Variants in RAD51B observed in about 807,000 individuals in gnomAD.
The protein encoded by RAD51B is RAD51 paralog B, also known as DNA repair protein RAD51 homolog 2.
In RAD51B, 38 loss-of-function variants were observed where a neutral mutation model predicts 42.2. The ratio of observed to expected loss-of-function variants is 0.90; its 90% CI spans 0.70 to 1.18. The LOEUF (loss-of-function observed/expected upper bound fraction) is 1.18, where lower values mean the gene tolerates loss of function less well. Ranked by LOEUF, RAD51B falls within the 50% of genes most tolerant of loss-of-function variation. The pLI, the probability that RAD51B is intolerant of heterozygous loss-of-function variation, is 0.00. For synonymous variants in RAD51B, 154 were observed against 145.2 expected (o/e 1.06, Z -0.43); for missense variants, 373 against 400.7 (o/e 0.93, Z 0.59).
chr14:68,534,042 AAAAC>A (rs1157762747), intron 10 of RAD51B, among the ~76,000 whole-genome samples: 1 of 152,250 alleles, frequency 6.6e-6, no homozygotes, highest in Non-Finnish European at 1.5e-5. Context: ...AAAGCAAAAC[AAAAC>A]AAACAATAAA....
intron 10 of RAD51B, among the ~76,000 whole-genome samples, chr14:68,589,360 G>A (rs993374765): frequency 5.3e-5 from 8 of 152,136 alleles, no homozygotes; most frequent in South Asian, 4.2e-4. Flanking sequence ...CCCTTCCCCC[G>A]CCTTCACTTT....
At position 68,167,103 on chromosome 14, in the gene RAD51B, T is replaced by C. The variant is rs577725598; in HGVS notation, c.757-124781T>C. ...CAAATCATAGAATATTACTGTCTCA[T>C]TTTAAAAATATTTAGTGGTTTCTTG... On this transcript the variant is annotated intron_variant, in intron 7 of 10. Coordinates refer to ENST00000471583, the MANE Select transcript of RAD51B (RefSeq NM_133510.4). 4.6e-5 allele frequency among the ~76,000 whole-genome samples: 7 copies of C among 152,298 alleles called. No homozygotes were observed. In the East Asian group the frequency reaches 1.2e-3, roughly 25 times the overall value.
At chr14:68,596,963 G>A (rs372424554), downstream of RAD51B, among the ~76,000 whole-genome samples, 6 of 152,286 alleles carry the variant, frequency 3.9e-5, no homozygotes, top group East Asian at 5.8e-4. Context: ...TCTGGTTCAC[G>A]GTGAGATGGC....
intron 7 of RAD51B, among the ~76,000 whole-genome samples, chr14:68,039,499 G>T (rs1036776569): frequency 6.6e-6 from 1 of 150,728 alleles, no homozygotes; most frequent in Non-Finnish European, 1.5e-5. Flanking sequence ...AAAAACTTGA[G>T]AAAATATTCT....
chr14:68,493,413 A>G (rs1218415555), intron 10 of RAD51B, among the ~76,000 whole-genome samples: 2 of 152,000 alleles, frequency 1.3e-5, no homozygotes, highest in Non-Finnish European at 2.9e-5. Context: ...CTAGTTACTC[A>G]ATTTCATGTA....
intron 4 of RAD51B, among the ~76,000 whole-genome samples, chr14:67,864,238 C>G (rs1364380362): frequency 6.6e-6 from 1 of 152,184 alleles, no homozygotes; most frequent in Non-Finnish European, 1.5e-5. Flanking sequence ...CAAACTACTT[C>G]TAGTTACACT....
At chr14:68,141,916 C>T (rs566483212) in intron 7 of RAD51B, among the ~76,000 whole-genome samples, 73 of 152,320 alleles carry the variant, frequency 4.8e-4, no homozygotes, top group African/African-American at 1.5e-3. Context: ...CTCCCATGTG[C>T]TTTCAAAGTA....
intron 7 of RAD51B, among the ~76,000 whole-genome samples, chr14:68,008,735 A>G (rs1425125443): frequency 6.6e-6 from 1 of 152,038 alleles, no homozygotes; most frequent in African/African-American, 2.4e-5. Flanking sequence ...AGCAGTGTTG[A>G]AATGAAATAC....
chr14:68,495,632 G>C (rs1884454173), intron 10 of RAD51B, among the ~76,000 whole-genome samples: 1 of 152,136 alleles, frequency 6.6e-6, no homozygotes, highest in African/African-American at 2.4e-5. Context: ...ACACTGTGGG[G>C]CTCAGACCCC....
intron 10 of RAD51B, among the ~76,000 whole-genome samples, chr14:68,575,938 C>T (rs2140049147): frequency 6.6e-6 from 1 of 152,306 alleles, no homozygotes; most frequent in South Asian, 2.1e-4. Flanking sequence ...GATGGACGGG[C>T]AGGGTTCAGG....
At chr14:67,969,411 T>A (rs947627788) in intron 7 of RAD51B, among the ~76,000 whole-genome samples, 3 of 152,178 alleles carry the variant, frequency 2.0e-5, no homozygotes, top group Non-Finnish European at 4.4e-5. Context: ...ATTACTGACA[T>A]TGATGGGAGT....
At chr14:68,339,050 A>C (rs1349947104) in intron 8 of RAD51B, 9 of 670,550 alleles carry the variant, frequency 1.3e-5, no homozygotes, top group Non-Finnish European at 2.5e-5. Context: ...TGGGATCGAC[A>C]TCGTGTGCAG....
At chr14:68,526,197 T>C (rs1186597862) in intron 10 of RAD51B, among the ~76,000 whole-genome samples, 1 of 152,228 alleles carries the variant, frequency 6.6e-6, no homozygotes, top group African/African-American at 2.4e-5. Flanking sequence ...TCGTTGTTAT[T>C]ATTAAATGGG....
At chr14:68,485,325 T>A (rs1883539096) in intron 10 of RAD51B, among the ~76,000 whole-genome samples, 1 of 152,124 alleles carries the variant, frequency 6.6e-6, no homozygotes, top group African/African-American at 2.4e-5. Flanking sequence ...TCTCACCCTG[T>A]TAAAGTGCCC....
intron 7 of RAD51B, among the ~76,000 whole-genome samples, chr14:68,000,643 A>G (rs530460133): frequency 6.6e-6 from 1 of 152,234 alleles, no homozygotes; most frequent in South Asian, 2.1e-4. Context: ...TCCAGTGGGT[A>G]ACTTTTATCT....
At chr14:68,241,083 T>C (rs1316132960) in intron 7 of RAD51B, among the ~76,000 whole-genome samples, 1 of 152,208 alleles carries the variant, frequency 6.6e-6, no homozygotes, top group Admixed American at 6.5e-5. Context: ...CTTTTTCTTG[T>C]CTTTCCCTTT....
chr14:67,967,581 A>C lies in RAD51B; in HGVS notation c.756+80377A>C, dbSNP rs547163686. 2.0e-5 allele frequency among the ~76,000 whole-genome samples: 3 copies of C among 152,328 alleles called. No individual in the cohort carries two copies. In the South Asian group the frequency reaches 6.2e-4, roughly 32 times the overall value. On this transcript the variant is annotated intron_variant, in intron 7 of 10. Transcript: ENST00000471583. The stretch of plus-strand genomic sequence containing the variant: ...ACAAAGGGGCTACAGGGCCCATGCA[A>C]GTACAAAATCCAGTGGGGCAAATTC...
chr14:68,026,401 A>G (rs1045602018), intron 7 of RAD51B, among the ~76,000 whole-genome samples: 2 of 152,046 alleles, frequency 1.3e-5, no homozygotes, highest in South Asian at 4.2e-4. Flanking sequence ...GAATTTCTTT[A>G]TTAGTTTTCT....
At chr14:68,603,647 G>A (rs1385777651) in intron 10 of RAD51B, among the ~76,000 whole-genome samples, 2 of 152,182 alleles carry the variant, frequency 1.3e-5, no homozygotes, top group East Asian at 1.9e-4. Context: ...CAAGTTAACT[G>A]CAAATGGTTG....
Sources: allele counts gnomAD v4.1 joint callset (sites outside exome capture counted in the v4.1 genomes callset), GRCh38; gene constraint gnomAD v4.1.1; transcripts MANE v1.5; gene names NCBI Gene and HGNC (gene_info 2026-07-23, HGNC 2026-07-21).